Variants in THSD7A observed in about 807,000 individuals in gnomAD.
The protein encoded by THSD7A is thrombospondin type 1 domain containing 7A.
THSD7A carries 96 observed loss-of-function variants against 231.3 expected under a neutral mutation model. The observed-to-expected ratio is 0.41, with a 90% confidence interval of 0.35 to 0.49. The LOEUF (loss-of-function observed/expected upper bound fraction) is 0.49. Ranked by LOEUF, THSD7A falls within the 20% of genes least tolerant of loss-of-function variation. The pLI, the probability that THSD7A is intolerant of heterozygous loss-of-function variation, is 0.05. For missense variants in THSD7A, 2,290 were observed against 2,070.2 expected, an observed-to-expected ratio of 1.11 and a Z score of -2.06; for synonymous variants, 940 against 743.3, an observed-to-expected ratio of 1.26 and a Z score of -4.30.
At chr7:11,400,656 T>G (rs1246184289) in intron 23 of THSD7A, among the ~76,000 whole-genome samples, 1 of 152,222 alleles carries the variant, frequency 6.6e-6, no homozygotes, top group Non-Finnish European at 1.5e-5. Context: ...TTTTACCTAG[T>G]TGATAAATTT....
At chr7:11,679,395 T>C (rs1783776028) in intron 1 of THSD7A, among the ~76,000 whole-genome samples, 1 of 151,926 alleles carries the variant, frequency 6.6e-6, no homozygotes, top group Admixed American at 6.6e-5. Context: ...AATAGGAAAA[T>C]CGGAAGTCAA....
chr7:11,813,945 G>C (rs1343063822), intron 1 of THSD7A, among the ~76,000 whole-genome samples: 3 of 151,982 alleles, frequency 2.0e-5, no homozygotes, highest in Admixed American at 2.0e-4. Context: ...TATCAGCTGA[G>C]GAATAAACAA....
At chr7:11,722,917 G>A (rs1338842252) in intron 1 of THSD7A, among the ~76,000 whole-genome samples, 2 of 151,962 alleles carry the variant, frequency 1.3e-5, no homozygotes, top group African/African-American at 4.8e-5. Flanking sequence ...AAGTCAGTGT[G>A]GCGATTCCTC....
At chr7:11,449,055 G>C (rs999189981) in intron 11 of THSD7A, among the ~76,000 whole-genome samples, 1 of 152,092 alleles carries the variant, frequency 6.6e-6, no homozygotes, top group Non-Finnish European at 1.5e-5. Flanking sequence ...AGCAGTCTAA[G>C]ATGGTGGTTC....
At chr7:11,490,507 T>A (rs1460850007) in intron 6 of THSD7A, among the ~76,000 whole-genome samples, 1 of 152,114 alleles carries the variant, frequency 6.6e-6, no homozygotes, top group Non-Finnish European at 1.5e-5. Context: ...ATGAGACTCA[T>A]GACTTCTGCT....
At position 11,746,923 on chromosome 7, in the gene THSD7A, CAATAG is replaced by C. The variant is rs141457288; in HGVS notation, c.190+84829_190+84833del. Among the ~76,000 whole-genome samples the C allele has an allele frequency of 6.7e-3, 1,022 of 151,844 alleles. 5 individuals carry two copies. Among genetic ancestry groups the C allele is most frequent in the African/African-American group, 0.023 (970 of 41,464 alleles). On this transcript the variant is annotated intron_variant, in intron 1 of 27. Coordinates refer to ENST00000423059, the MANE Select transcript of THSD7A (RefSeq NM_015204.3). ...CTCATTTTTTGAAAGATAATATTGA[CAATAG>C]AACCACTATCCCATGACTTTTACCC...
intron 1 of THSD7A, among the ~76,000 whole-genome samples, chr7:11,652,508 T>C (rs1782542656): frequency 6.6e-6 from 1 of 151,994 alleles, no homozygotes; most frequent in Non-Finnish European, 1.5e-5. Context: ...CCATCATCAT[T>C]ATAAAGGATT....
At chr7:11,695,780 T>C (rs779570880) in intron 1 of THSD7A, among the ~76,000 whole-genome samples, 1 of 151,492 alleles carries the variant, frequency 6.6e-6, no homozygotes, top group Non-Finnish European at 1.5e-5. Flanking sequence ...TTGGGCTTCA[T>C]CTTGAATATG....
At position 11,447,766 on chromosome 7, in the gene THSD7A, T is replaced by C. The variant is rs558759352; in HGVS notation, c.2606-342A>G. Among the ~76,000 whole-genome samples the C allele has an allele frequency of 3.9e-5, 6 of 152,238 alleles. No homozygotes were observed. In the South Asian group the frequency reaches 1.2e-3, roughly 32 times the overall value. ...ATTTGTAAGAATGTAAGACAAACCA[T>C]ACGTGGGTTCTGATAATAGCTTATG... On this transcript the variant is annotated intron_variant, in intron 11 of 27. Transcript: ENST00000423059.
chr7:11,566,969 G>GCGGGGGGGCGGGC (rs1339505802), intron 4 of THSD7A, among the ~76,000 whole-genome samples: 1 of 84,148 alleles, frequency 1.2e-5, no homozygotes, highest in Non-Finnish European at 2.4e-5. Context: ...GGAGAGTGGG[G>GCGGGGGGGCGGGC]GGGGGACTGA....
chr7:11,405,123 A>G (rs1407095272), intron 22 of THSD7A, among the ~76,000 whole-genome samples: 2 of 149,492 alleles, frequency 1.3e-5, no homozygotes, highest in East Asian at 2.0e-4. Flanking sequence ...ATCTTAAACT[A>G]TACCCTACCA....
At chr7:11,448,898 A>C (rs1785058251) in intron 11 of THSD7A, among the ~76,000 whole-genome samples, 1 of 152,052 alleles carries the variant, frequency 6.6e-6, no homozygotes. Context: ...GGGGCCCCTA[A>C]ATTTTTAAAA....
intron 1 of THSD7A, among the ~76,000 whole-genome samples, chr7:11,716,622 T>C (rs1355178717): frequency 4.7e-5 from 5 of 105,472 alleles, no homozygotes; most frequent in African/African-American, 6.4e-5. Context: ...CAATAGACTA[T>C]ACAGTAGGGG....
intron 16 of THSD7A, among the ~76,000 whole-genome samples, chr7:11,419,960 T>C (rs1435490063): frequency 6.6e-6 from 1 of 152,206 alleles, no homozygotes; most frequent in African/African-American, 2.4e-5. Context: ...AAGAAATTTC[T>C]AAGCAGCAAA....
intron 2 of THSD7A, among the ~76,000 whole-genome samples, chr7:11,608,266 G>T (rs971679721): frequency 6.6e-6 from 1 of 152,142 alleles, no homozygotes; most frequent in African/African-American, 2.4e-5. Context: ...ATTTTTGCCT[G>T]TTAAGAGGCC....
intron 6 of THSD7A, among the ~76,000 whole-genome samples, chr7:11,520,791 T>C (rs1485886606): frequency 6.6e-6 from 1 of 152,188 alleles, no homozygotes; most frequent in East Asian, 1.9e-4. Context: ...AGCATATTGA[T>C]TGTGCTCAAC....
At chr7:11,812,475 T>A (rs1008608199) in intron 1 of THSD7A, among the ~76,000 whole-genome samples, 3 of 152,146 alleles carry the variant, frequency 2.0e-5, no homozygotes, top group Admixed American at 6.6e-5. Context: ...AAATACGTTA[T>A]CATTTACGTC....
At chr7:11,449,702 C>T (rs867415742) in intron 11 of THSD7A, among the ~76,000 whole-genome samples, 12 of 152,094 alleles carry the variant, frequency 7.9e-5, no homozygotes, top group South Asian at 6.2e-4. Flanking sequence ...AGGCTATAAA[C>T]GAGCTGCTAT....
At chr7:11,726,901 G>C (rs1240427030) in intron 1 of THSD7A, among the ~76,000 whole-genome samples, 1 of 151,862 alleles carries the variant, frequency 6.6e-6, no homozygotes, top group African/African-American at 2.4e-5. Flanking sequence ...TAATTCCTCA[G>C]GTCCTGGCCC....
Sources: gnomAD v4.1 joint callset for allele counts (sites outside exome capture counted in the v4.1 genomes callset) on GRCh38, gnomAD v4.1.1 for gene constraint, MANE v1.5 for transcripts, NCBI Gene and HGNC (gene_info 2026-07-23, HGNC 2026-07-21) for gene names.